The following VWA8 variants were observed in gnomAD, a reference collection of about 807,000 sequenced individuals.
VWA8 encodes von Willebrand factor A domain containing 8.
VWA8 carries 221 observed loss-of-function variants against 241.5 expected under a neutral mutation model. That is an observed-to-expected ratio of 0.91 (90% CI 0.82 to 1.02). VWA8 has a LOEUF of 1.02. Ranked by LOEUF, VWA8 falls within the 50% of genes least tolerant of loss-of-function variation. VWA8 has a pLI of 0.00. For synonymous variants in VWA8, 852 were observed against 827.1 expected (o/e 1.03, Z -0.52); for missense variants, 2,322 against 2,328.7 (o/e 1.00, Z 0.06).
At chr13:41,676,903 G>T (rs1317630991) in intron 35 of VWA8, among the ~76,000 whole-genome samples, 1 of 152,036 alleles carries the variant, frequency 6.6e-6, no homozygotes, top group African/African-American at 2.4e-5. Context: ...AAAGTGCAGG[G>T]ATTACAGGTG....
At chr13:41,836,353 A>G (rs1417253817) in intron 12 of VWA8, among the ~76,000 whole-genome samples, 1 of 152,194 alleles carries the variant, frequency 6.6e-6, no homozygotes, top group African/African-American at 2.4e-5. Context: ...ATGGATGTTA[A>G]TTTTGAAAAT....
At chr13:41,627,161 A>C (rs964879070) in intron 37 of VWA8, among the ~76,000 whole-genome samples, 2 of 152,200 alleles carry the variant, frequency 1.3e-5, no homozygotes, top group African/African-American at 4.8e-5. Context: ...ATATGAAAAA[A>C]TGTTCTATGT....
At chr13:41,741,428 C>T (rs1216675034) in intron 21 of VWA8, among the ~76,000 whole-genome samples, 1 of 152,200 alleles carries the variant, frequency 6.6e-6, no homozygotes, top group Non-Finnish European at 1.5e-5. Context: ...TCCTTAAACA[C>T]TCAGCTCAAA....
intron 12 of VWA8, among the ~76,000 whole-genome samples, chr13:41,839,329 C>T (rs1871886319): frequency 1.3e-5 from 2 of 152,092 alleles, no homozygotes; most frequent in African/African-American, 4.8e-5. Context: ...CCTTCGCCCA[C>T]TGTTTGATGG....
chr13:41,732,502 G>A (rs1428168946), intron 21 of VWA8, among the ~76,000 whole-genome samples: 1 of 149,632 alleles, frequency 6.7e-6, no homozygotes, highest in East Asian at 1.9e-4. Flanking sequence ...ATATATATAT[G>A]TATTATATAA....
intron 42 of VWA8, among the ~76,000 whole-genome samples, chr13:41,578,341 C>T (rs1465878309): frequency 6.6e-6 from 1 of 152,108 alleles, no homozygotes; most frequent in East Asian, 1.9e-4. Context: ...GAGGATTATT[C>T]TGTGACCAAA....
Position 41,701,623 on chromosome 13 carries a change from C to A in VWA8, c.3226-93G>T, listed in dbSNP as rs1004661406. On this transcript the variant is annotated intron_variant, in intron 27 of 44. Transcript: ENST00000379310. ...CTTCCAAAATATAAACTTTAACATT[C>A]AAGTATTTAATATCCTGCTATACCT... The A allele has an allele frequency of 4.9e-5, 60 of 1,225,462 alleles. No individual in the cohort carries two copies. In the African/African-American group the frequency reaches 8.4e-4, roughly 17 times the overall value. 75.9% of individuals were successfully genotyped at this position (1,225,462 alleles called of 1,614,324 possible). A position where few individuals can be genotyped will look rare whatever the true frequency, so the allele number is the denominator to read the frequency against.
chr13:41,950,968 C>G (rs529109988), intron 1 of VWA8, among the ~76,000 whole-genome samples: 23 of 152,138 alleles, frequency 1.5e-4, no homozygotes, highest in Admixed American at 1.2e-3. Flanking sequence ...CACACCCAGC[C>G]CATAGAGTGT....
chr13:41,718,137 G>T (rs1254578175), intron 26 of VWA8, among the ~76,000 whole-genome samples: 1 of 151,798 alleles, frequency 6.6e-6, no homozygotes, highest in East Asian at 1.9e-4. Flanking sequence ...AGTAGAAAAA[G>T]AAATTGTTTT....
chr13:41,912,192 A>C lies in VWA8; in HGVS notation c.242-24T>G, dbSNP rs1160028551. On this transcript the variant is annotated intron_variant, in intron 2 of 44. Coordinates refer to ENST00000379310, the MANE Select transcript of VWA8 (RefSeq NM_015058.2). ...AACTATAAAGAAAAAAGAGAAAATG[A>C]AGTGCAAATTTAAGTATTACTTATA... 1.9e-6 allele frequency: 3 copies of C among 1,564,832 alleles called. No individual in the cohort carries two copies. The African/African-American group carries it at 4.1e-5, about 21-fold the overall frequency.
intron 21 of VWA8, among the ~76,000 whole-genome samples, chr13:41,750,111 T>C (rs1482432209): frequency 6.6e-6 from 1 of 152,136 alleles, no homozygotes; most frequent in Non-Finnish European, 1.5e-5. Context: ...TTGAAAATCT[T>C]CTGGAAAAGG....
chr13:41,815,362 C>CT (rs1190042866), intron 16 of VWA8, among the ~76,000 whole-genome samples: 1 of 152,210 alleles, frequency 6.6e-6, no homozygotes, highest in East Asian at 1.9e-4. Flanking sequence ...GTCAATGTTA[C>CT]TTTCTATGGC....
intron 43 of VWA8, among the ~76,000 whole-genome samples, chr13:41,573,610 C>CACACATATATATATATATATAT (rs1555303639): frequency 4.3e-5 from 6 of 140,190 alleles, no homozygotes; most frequent in African/African-American, 1.7e-4. Context: ...TATATATACG[C>CACACATATATATATATATATAT]ATATATATGG....
At chr13:41,642,039 T>C (rs12869847) in intron 37 of VWA8, among the ~76,000 whole-genome samples, 11,623 of 152,246 alleles carry the variant, frequency 0.076, 908 homozygotes, top group African/African-American at 0.2. Context: ...ATTAAAATGA[T>C]TCTTTTCAGT....
intron 2 of VWA8, among the ~76,000 whole-genome samples, chr13:41,913,582 T>G (rs576148200): frequency 6.6e-5 from 10 of 152,308 alleles, no homozygotes; most frequent in Admixed American, 3.3e-4. Context: ...CAGCACAATA[T>G]TGTTAGGATA....
intron 40 of VWA8, among the ~76,000 whole-genome samples, chr13:41,604,475 T>C: frequency 6.6e-6 from 1 of 152,104 alleles, no homozygotes. Context: ...TTTCCAGAGT[T>C]TTGGGTTAAA....
At chr13:41,889,353 A>T (rs1273511122) in intron 5 of VWA8, among the ~76,000 whole-genome samples, 1 of 151,946 alleles carries the variant, frequency 6.6e-6, no homozygotes, top group African/African-American at 2.4e-5. Flanking sequence ...TTCTCACTTA[A>T]TAATAAGCAT....
chr13:41,571,960 G>A lies in VWA8; in HGVS notation c.5371-1254C>T, dbSNP rs546608222. Among the ~76,000 whole-genome samples, 6 of 152,144 alleles carry A rather than the reference G, an allele frequency of 3.9e-5. No individual in the cohort carries two copies. The South Asian group carries it at 8.3e-4, about 21-fold the overall frequency. On this transcript the variant is annotated intron_variant, in intron 43 of 44. Transcript: ENST00000379310. ...ATGTGAGGAGCCCCTCTGACCGGCCGCCCAGTCTGGGATGTGAGGAATGCC... is the reference window on the plus strand; with the variant it reads ...ATGTGAGGAGCCCCTCTGACCGGCCACCCAGTCTGGGATGTGAGGAATGCC...
chr13:41,902,953 C>G (rs1009779658), intron 4 of VWA8, among the ~76,000 whole-genome samples: 4 of 152,118 alleles, frequency 2.6e-5, no homozygotes, highest in African/African-American at 9.7e-5. Flanking sequence ...GCCACAGGTA[C>G]TTTTTCACCT....
Sources: allele counts gnomAD v4.1 joint callset (sites outside exome capture counted in the v4.1 genomes callset), GRCh38; gene constraint gnomAD v4.1.1; transcripts MANE v1.5; gene names NCBI Gene and HGNC (gene_info 2026-07-23, HGNC 2026-07-21).